Variants in KIR3DL1 observed in about 807,000 individuals in gnomAD.
KIR3DL1 encodes the protein killer cell immunoglobulin-like receptor 3DL1.
A neutral mutation model predicts 40.3 loss-of-function variants in KIR3DL1; 50 were observed. The ratio of observed to expected loss-of-function variants is 1.24; its 90% CI spans 0.99 to 1.57. The LOEUF is 1.57. KIR3DL1 is among the 40% of genes most tolerant of loss of function. The pLI is 0.00. For synonymous variants in KIR3DL1, 257 were observed against 207.2 expected, an observed-to-expected ratio of 1.24 and a Z score of -2.07; for missense variants, 661 against 559.9, an observed-to-expected ratio of 1.18 and a Z score of -1.82.
At chr19:54,824,349 T>C in intron 5 of KIR3DL1, among the ~76,000 whole-genome samples, 1 of 151,484 alleles carries the variant, frequency 6.6e-6, no homozygotes, top group Non-Finnish European at 1.5e-5. Flanking sequence ...AGACTGTCCT[T>C]TCCTGATTGT....
At chr19:54,828,993 A>G (rs767278371) in intron 6 of KIR3DL1, among the ~76,000 whole-genome samples, 55 of 140,700 alleles carry the variant, frequency 3.9e-4, no homozygotes, top group African/African-American at 1.3e-3. Context: ...CCAGCTCTCC[A>G]GGAACTAATA....
chr19:54,830,298 A>T (rs12985492), exon 9 of KIR3DL1: 3 of 1,507,272 alleles, frequency 2.0e-6, no homozygotes, highest in South Asian at 2.5e-5. Context: ...GGCCTTGAGG[A>T]CGTCTTCTAG....
chr19:54,820,532 C>T (rs1298918153), intron 4 of KIR3DL1, among the ~76,000 whole-genome samples: 1 of 151,362 alleles, frequency 6.6e-6, no homozygotes, highest in Non-Finnish European at 1.5e-5. Context: ...AACACCAACC[C>T]CTGTATGCTG....
intron 6 of KIR3DL1, among the ~76,000 whole-genome samples, chr19:54,827,510 G>C (rs1490149542): frequency 6.6e-6 from 1 of 150,652 alleles, no homozygotes; most frequent in Non-Finnish European, 1.5e-5. Flanking sequence ...TCCTGCTCTG[G>C]AGGATGAAGC....
rs768761860 is a variant in KIR3DL1 at position 54,830,150 on chromosome 19, T to A, written c.1210T>A (p.Cys404Ser). 11 of 1,524,560 alleles carry A rather than the reference T, an allele frequency of 7.2e-6. 2 individuals carry two copies. The Admixed American group carries it at 1.8e-4, about 25-fold the overall frequency. 94.4% of individuals were successfully genotyped at this position (1,524,560 alleles called of 1,614,324 possible). The change falls in exon 9 of 9, where the codon TGC (cysteine) becomes AGC (serine). Residue 404 changes from cysteine to serine, a missense_variant. Coordinates refer to ENST00000391728, the Ensembl canonical transcript of KIR3DL1. ...GGTGACATACGCACAGTTGGATCAC[T>A]GCGTTTTCACACAGAGAAAAATCAC...
At chr19:54,825,170 T>C (rs1346120941) in intron 6 of KIR3DL1, 92 bp downstream of exon 6, 2 of 834,074 alleles carry the variant, frequency 2.4e-6, no homozygotes, top group African/African-American at 3.5e-5. Flanking sequence ...CCCAGCTCTG[T>C]GAATGAGGGC....
exon 5 of KIR3DL1, chr19:54,821,673 T>A: frequency 6.2e-7 from 1 of 1,609,952 alleles, no homozygotes. Flanking sequence ...ATGTACCATC[T>A]ATCCAGGGAG....
At chr19:54,822,129 G>A (rs1348326828) in intron 5 of KIR3DL1, among the ~76,000 whole-genome samples, 3 of 151,052 alleles carry the variant, frequency 2.0e-5, no homozygotes, top group Non-Finnish European at 2.9e-5. Flanking sequence ...GCTTAGTTTG[G>A]GGAGATCAGA....
intron 5 of KIR3DL1, among the ~76,000 whole-genome samples, 188 bp downstream of exon 5, chr19:54,822,046 C>T (rs1242464544): frequency 6.6e-6 from 1 of 150,964 alleles, no homozygotes; most frequent in Admixed American, 6.6e-5. Context: ...GCATGGAGGC[C>T]TCCGATCAGG....
At chr19:54,827,342 G>A (rs1416312279) in intron 6 of KIR3DL1, among the ~76,000 whole-genome samples, 1 of 151,076 alleles carries the variant, frequency 6.6e-6, no homozygotes. Context: ...CTGTAACCCA[G>A]CACTGCAGGA....
chr19:54,825,490 C>A (rs2061837778), intron 6 of KIR3DL1, among the ~76,000 whole-genome samples: 1 of 150,132 alleles, frequency 6.7e-6, no homozygotes, highest in Middle Eastern at 3.4e-3. Flanking sequence ...ATGAAGCAAC[C>A]CTGGCTGACT....
At chr19:54,829,577 A>T in intron 7 of KIR3DL1, 112 bp downstream of exon 7, 1 of 950,522 alleles carries the variant, frequency 1.1e-6, no homozygotes. Context: ...CCAAGACAGG[A>T]GCCACAGAGG....
chr19:54,821,723 G>C, exon 5 of KIR3DL1: 1 of 1,608,878 alleles, frequency 6.2e-7, no homozygotes, highest in South Asian at 1.1e-5. Context: ...AGTGCGCAAG[G>C]TCAACAGAAC....
intron 6 of KIR3DL1, among the ~76,000 whole-genome samples, chr19:54,826,393 C>A (rs1205286494): frequency 1.3e-5 from 2 of 149,456 alleles, no homozygotes; most frequent in East Asian, 1.9e-4. Flanking sequence ...TGGCTCACTG[C>A]AACCTGCGTC....
chr19:54,824,701 A>G (rs625698), intron 5 of KIR3DL1, among the ~76,000 whole-genome samples: 27,769 of 150,116 alleles, frequency 0.18, 3,023 homozygotes, highest in South Asian at 0.32. Context: ...AAGCCATTGG[A>G]TGTAAATGCA....
rs1344381298 is a variant in KIR3DL1, at chr19:54,825,857, A to G, written c.1000+779A>G. On this transcript the variant is annotated intron_variant, in intron 6 of 8. Coordinates refer to ENST00000391728, the Ensembl canonical transcript of KIR3DL1. ...CCTTCCTCCTTCCTCAAAGCCCACA[A>G]AGACTGGTCACATCTCACATGGCAT... Among the ~76,000 whole-genome samples, 28 of 150,596 alleles carry G rather than the reference A, an allele frequency of 1.9e-4. 2 individuals carry two copies. The highest frequency in any genetic ancestry group is 6.9e-4 in the African/African-American group (28 of 40,384).
At chr19:54,830,059 C>A (rs777195321) in intron 8 of KIR3DL1, 40 bp from the exon 9 acceptor site, 1 of 1,521,046 alleles carries the variant, frequency 6.6e-7, no homozygotes, top group South Asian at 1.3e-5. Context: ...CTCCCTCACT[C>A]AGCATTTCCC....
chr19:54,826,891 A>G lies in KIR3DL1; in HGVS notation c.1000+1813A>G, dbSNP rs370424760. Reference sequence around the variant, plus strand: ...GAGAGACGGAGAGCACACTGGGTACACAGGAAACTAAGGAGCAACAAGGAG... The same window carrying G: ...GAGAGACGGAGAGCACACTGGGTACGCAGGAAACTAAGGAGCAACAAGGAG... On this transcript the variant is annotated intron_variant, in intron 6 of 8. Coordinates refer to ENST00000391728, the Ensembl canonical transcript of KIR3DL1. Among the ~76,000 whole-genome samples, 12 of 151,966 alleles carry G rather than the reference A, an allele frequency of 7.9e-5. No individual in the cohort carries two copies. In the East Asian group the frequency reaches 2.3e-3, roughly 29 times the overall value.
rs1474316581 is a variant in KIR3DL1, at chr19:54,820,021, G to A, written c.655+9G>A. ...GGACATCGTGGTCACAGGTGAGAGT[G>A]TCTAGACATTGTTCTCATTGTCACT... On this transcript the variant is annotated intron_variant, in intron 4 of 8. Transcript: ENST00000391728. 14 of 1,607,600 alleles carry A rather than the reference G, an allele frequency of 8.7e-6. No individual in the cohort carries two copies. Among genetic ancestry groups the A allele is most frequent in the Non-Finnish European group, 1.2e-5 (14 of 1,176,812 alleles).
Sources: gnomAD v4.1 joint callset for allele counts (sites outside exome capture counted in the v4.1 genomes callset) on GRCh38, gnomAD v4.1.1 for gene constraint, MANE v1.5 for transcripts, NCBI Gene and HGNC (gene_info 2026-07-23, HGNC 2026-07-21) for gene names.